Variants in PTPRR observed in about 807,000 individuals in gnomAD.
PTPRR encodes the protein receptor-type tyrosine-protein phosphatase R.
PTPRR carries 38 observed loss-of-function variants against 77.2 expected under a neutral mutation model. That is an observed-to-expected ratio of 0.49 (90% CI 0.38 to 0.65). The LOEUF is 0.65. PTPRR is among the 30% of genes least tolerant of loss of function. PTPRR has a pLI of 0.00. For synonymous variants in PTPRR, 299 were observed against 283.1 expected, an observed-to-expected ratio of 1.06 and a Z score of -0.57; for missense variants, 744 against 799.2, an observed-to-expected ratio of 0.93 and a Z score of 0.83.
intron 1 of PTPRR, among the ~76,000 whole-genome samples, chr12:70,918,314 C>A (rs2137143353): frequency 6.6e-6 from 1 of 152,198 alleles, no homozygotes; most frequent in South Asian, 2.1e-4. Flanking sequence ...TGATAAAACA[C>A]CAATGTATTT....
At chr12:70,752,604 C>A (rs1037487968) in intron 5 of PTPRR, among the ~76,000 whole-genome samples, 3 of 152,216 alleles carry the variant, frequency 2.0e-5, no homozygotes, top group African/African-American at 7.2e-5. Flanking sequence ...AAAGGCTGGG[C>A]ATGACTCTGC....
intron 2 of PTPRR, among the ~76,000 whole-genome samples, chr12:70,785,331 C>CATT (rs1891299348): frequency 6.6e-6 from 1 of 151,234 alleles, no homozygotes; most frequent in Non-Finnish European, 1.5e-5. Context: ...GTTTTTCCTT[C>CATT]ATTAGTCTCT....
intron 2 of PTPRR, among the ~76,000 whole-genome samples, chr12:70,823,695 T>C (rs1486332243): frequency 6.6e-6 from 1 of 152,140 alleles, no homozygotes; most frequent in African/African-American, 2.4e-5. Context: ...GGGCTGACCT[T>C]GCTTAGGGAG....
At chr12:70,835,916 A>G (rs1892294503) in intron 2 of PTPRR, among the ~76,000 whole-genome samples, 1 of 152,090 alleles carries the variant, frequency 6.6e-6, no homozygotes. Flanking sequence ...TACTTAGCTA[A>G]CATTTTGCAG....
At chr12:70,858,417 G>A (rs945062799) in intron 2 of PTPRR, among the ~76,000 whole-genome samples, 1 of 152,098 alleles carries the variant, frequency 6.6e-6, no homozygotes, top group African/African-American at 2.4e-5. Context: ...TAAGAGAAGT[G>A]TGATCTACCT....
At chr12:70,834,353 C>T (rs1434630816) in intron 2 of PTPRR, among the ~76,000 whole-genome samples, 1 of 152,180 alleles carries the variant, frequency 6.6e-6, no homozygotes, top group African/African-American at 2.4e-5. Flanking sequence ...CTGTCTGCCA[C>T]TGCACATCCC....
intron 2 of PTPRR, among the ~76,000 whole-genome samples, chr12:70,883,619 C>T (rs554481363): frequency 3.3e-5 from 5 of 152,192 alleles, no homozygotes; most frequent in Admixed American, 1.3e-4. Context: ...TGAAAAGCTT[C>T]GTGCTTTTCA....
chr12:70,681,576 G>A (rs1045310514), intron 10 of PTPRR, among the ~76,000 whole-genome samples: 1 of 152,166 alleles, frequency 6.6e-6, no homozygotes, highest in Non-Finnish European at 1.5e-5. Context: ...TCTTCTCTAT[G>A]TGACCCTCAC....
At chr12:70,794,436 T>C (rs1891475442) in intron 2 of PTPRR, among the ~76,000 whole-genome samples, 1 of 152,130 alleles carries the variant, frequency 6.6e-6, no homozygotes, top group Admixed American at 6.6e-5. Flanking sequence ...AAAGAGGAAT[T>C]TAAGGACAAT....
intron 6 of PTPRR, among the ~76,000 whole-genome samples, chr12:70,711,818 A>G (rs1437816776): frequency 6.6e-6 from 1 of 152,148 alleles, no homozygotes; most frequent in Non-Finnish European, 1.5e-5. Flanking sequence ...AAAAGCAGAT[A>G]TCTTAAGTCA....
At chr12:70,758,368 C>A (rs567270627) in intron 4 of PTPRR, among the ~76,000 whole-genome samples, 3 of 151,816 alleles carry the variant, frequency 2.0e-5, no homozygotes, top group East Asian at 3.9e-4. Flanking sequence ...TGCTTTAAAG[C>A]CAGCTCTTTT....
chr12:70,719,487 G>T (rs1014967117), intron 6 of PTPRR, among the ~76,000 whole-genome samples: 1 of 151,654 alleles, frequency 6.6e-6, no homozygotes, highest in Non-Finnish European at 1.5e-5. Context: ...AATTACATTA[G>T]TAATATAGTT....
chr12:70,703,166 G>A (rs931677419), intron 6 of PTPRR, among the ~76,000 whole-genome samples: 2 of 151,838 alleles, frequency 1.3e-5, no homozygotes, highest in Middle Eastern at 3.4e-3. Context: ...TATTTGAAGG[G>A]ATTTAGTCAT....
intron 8 of PTPRR, among the ~76,000 whole-genome samples, chr12:70,694,285 T>G (rs1888154064): frequency 6.6e-6 from 1 of 152,222 alleles, no homozygotes; most frequent in Non-Finnish European, 1.5e-5. Flanking sequence ...AATGGCATTC[T>G]TTAAGTGTAT....
chr12:70,689,848 A>T (rs1262089353), intron 8 of PTPRR, among the ~76,000 whole-genome samples: 1 of 152,212 alleles, frequency 6.6e-6, no homozygotes, highest in African/African-American at 2.4e-5. Context: ...GTCTCCTAGT[A>T]GTCACCATCC....
chr12:70,771,171 A>T (rs1020356602), intron 2 of PTPRR, among the ~76,000 whole-genome samples: 4 of 151,288 alleles, frequency 2.6e-5, no homozygotes, highest in Non-Finnish European at 5.9e-5. Context: ...AAATTAAAAA[A>T]AAATAAAAAT....
At chr12:70,790,461 T>C (rs1891402858) in intron 2 of PTPRR, among the ~76,000 whole-genome samples, 1 of 152,108 alleles carries the variant, frequency 6.6e-6, no homozygotes, top group East Asian at 1.9e-4. Flanking sequence ...CAAGTTCCCT[T>C]TGCTTATTTG....
chr12:70,801,054 A>G (rs752692364), intron 2 of PTPRR, among the ~76,000 whole-genome samples: 15 of 152,196 alleles, frequency 9.9e-5, no homozygotes, highest in Non-Finnish European at 2.1e-4. Context: ...TTAAAAAAGA[A>G]CTACTGTAGC....
At chr12:70,811,970 TATA>T (rs1402623545) in intron 2 of PTPRR, among the ~76,000 whole-genome samples, 3 of 152,252 alleles carry the variant, frequency 2.0e-5, no homozygotes, top group Non-Finnish European at 2.9e-5. Context: ...TTCATGTTTT[TATA>T]ATATTACCTT....
Sources: allele counts gnomAD v4.1 joint callset (sites outside exome capture counted in the v4.1 genomes callset), GRCh38; gene constraint gnomAD v4.1.1; transcripts MANE v1.5; gene names NCBI Gene and HGNC (gene_info 2026-07-23, HGNC 2026-07-21).